The following NKAIN3 variants were observed in gnomAD, a reference collection of about 807,000 sequenced individuals.
NKAIN3 encodes the protein sodium/potassium transporting ATPase interacting 3.
NKAIN3 carries 25 observed loss-of-function variants against 30.2 expected under a neutral mutation model. The ratio of observed to expected loss-of-function variants is 0.83; its 90% CI spans 0.60 to 1.16. The LOEUF (loss-of-function observed/expected upper bound fraction) is 1.16. Ranked by LOEUF, NKAIN3 falls within the 50% of genes most tolerant of loss-of-function variation. The pLI is 0.00. For missense variants in NKAIN3, 225 were observed against 254.1 expected (o/e 0.89, Z 0.78); for synonymous variants, 91 against 89.6 (o/e 1.02, Z -0.09).
At chr8:62,345,716 G>C (rs1815983047) in intron 1 of NKAIN3, among the ~76,000 whole-genome samples, 1 of 151,150 alleles carries the variant, frequency 6.6e-6, no homozygotes, top group African/African-American at 2.4e-5. Context: ...TCTGCAAACA[G>C]GGACAGCTTG....
intron 1 of NKAIN3, among the ~76,000 whole-genome samples, chr8:62,430,368 TGTG>T: frequency 5.8e-5 from 2 of 34,706 alleles, no homozygotes; most frequent in African/African-American, 4.2e-4. Context: ...TATATTGTGG[TGTG>T]TGTGTGTGTG....
In NKAIN3 at chr8:62,999,651, C is replaced by T. The variant is rs557257184; in HGVS notation, c.*317C>T. 6.6e-5 allele frequency: 10 copies of T among 152,238 alleles called. No individual in the cohort carries two copies. The East Asian group carries it at 1.9e-3, about 29-fold the overall frequency. 9.4% of individuals were successfully genotyped at this position (152,238 alleles called of 1,614,324 possible). A position where few individuals can be genotyped will look rare whatever the true frequency, so the allele number is the denominator to read the frequency against. On this transcript the variant is annotated 3_prime_UTR_variant, in exon 6 of 6. Coordinates refer to the NKAIN3 transcript ENST00000519049. The stretch of plus-strand genomic sequence containing the variant: ...CTTTGTTTAATGAAATCCCATTTGT[C>T]TATTTTTTGCTTTTGTTGCCTGTGC...
In NKAIN3 at chr8:62,470,812, C is replaced by T. The variant is rs191132418; in HGVS notation, c.55-108727C>T. 7.9e-5 allele frequency among the ~76,000 whole-genome samples: 12 copies of T among 151,932 alleles called. No individual in the cohort carries two copies. In the East Asian group the frequency reaches 2.1e-3, roughly 27 times the overall value. On this transcript the variant is annotated intron_variant, in intron 1 of 6. Coordinates refer to ENST00000623646, the MANE Select transcript of NKAIN3 (RefSeq NM_001304533.3). ...AAAAAATATTATTTTATATTCTTTG[C>T]TTCCTTTGGCCTAAATGCAGTTAAA...
chr8:62,593,459 C>T (rs1266041076), intron 3 of NKAIN3, among the ~76,000 whole-genome samples: 1 of 151,826 alleles, frequency 6.6e-6, no homozygotes, highest in African/African-American at 2.4e-5. Flanking sequence ...TATACACTTC[C>T]ATCTTAAGAA....
At chr8:62,619,747 G>A (rs374166852) in intron 3 of NKAIN3, among the ~76,000 whole-genome samples, 26 of 150,638 alleles carry the variant, frequency 1.7e-4, no homozygotes, top group African/African-American at 5.4e-4. Context: ...CCACTAATGC[G>A]TGTTGGTAAA....
chr8:62,358,092 A>G lies in NKAIN3; in HGVS notation c.54+108965A>G, dbSNP rs1007316339. On this transcript the variant is annotated intron_variant, in intron 1 of 6. Coordinates refer to ENST00000623646, the MANE Select transcript of NKAIN3 (RefSeq NM_001304533.3). ...AGATAACAGATGGGAAAGCGGCATA[A>G]GGTATGCCTAATTTATCAAACCTAG... Among the ~76,000 whole-genome samples the G allele has an allele frequency of 2.0e-5, 3 of 152,274 alleles. No individual in the cohort carries two copies. In the Middle Eastern group the frequency reaches 0.01, roughly 518 times the overall value.
chr8:62,857,502 C>T (rs1007859037), intron 4 of NKAIN3, among the ~76,000 whole-genome samples: 2 of 152,178 alleles, frequency 1.3e-5, no homozygotes, highest in Admixed American at 1.3e-4. Context: ...TAGATTTGAT[C>T]TCTTTACATA....
chr8:62,623,632 T>C (rs528720339), intron 3 of NKAIN3, among the ~76,000 whole-genome samples: 21 of 152,202 alleles, frequency 1.4e-4, no homozygotes, highest in African/African-American at 5.1e-4. Context: ...ATGATTTTCC[T>C]TCTTTCTAAA....
chr8:62,833,315 GA>G (rs1450129537), intron 4 of NKAIN3, among the ~76,000 whole-genome samples: 1 of 151,670 alleles, frequency 6.6e-6, no homozygotes, highest in Non-Finnish European at 1.5e-5. Flanking sequence ...AGAAGAAAAT[GA>G]ATAACCAAAA....
chr8:62,773,331 T>C (rs1408750185), intron 4 of NKAIN3, among the ~76,000 whole-genome samples: 1 of 152,216 alleles, frequency 6.6e-6, no homozygotes, highest in Non-Finnish European at 1.5e-5. Flanking sequence ...CCCCAATTTA[T>C]GTTCTTGGCA....
At position 62,746,928 on chromosome 8, in the gene NKAIN3, C is replaced by A; in HGVS notation, c.274-4C>A. On this transcript the variant is annotated splice_region_variant and splice_polypyrimidine_tract_variant and intron_variant, in intron 3 of 6. Coordinates refer to ENST00000623646, the MANE Select transcript of NKAIN3 (RefSeq NM_001304533.3). ...TTTTGCTCTTTTGTCTCCTACCCAC[C>A]TAGGACACCGATCTAATGACATTCA... 2 of 1,593,698 alleles carry A rather than the reference C, an allele frequency of 1.3e-6. No individual in the cohort carries two copies. The highest frequency in any genetic ancestry group is 2.3e-5 in the East Asian group (1 of 44,408).
At chr8:62,321,305 G>C (rs1248034960) in intron 1 of NKAIN3, among the ~76,000 whole-genome samples, 3 of 152,158 alleles carry the variant, frequency 2.0e-5, no homozygotes, top group Admixed American at 6.5e-5. Flanking sequence ...AGAGAAGTTT[G>C]ATCATCTGAA....
intron 1 of NKAIN3, among the ~76,000 whole-genome samples, chr8:62,258,334 A>T (rs1340124294): frequency 6.6e-6 from 1 of 152,204 alleles, no homozygotes; most frequent in Non-Finnish European, 1.5e-5. Context: ...TCAGGTGAAG[A>T]TGAAATGCCT....
chr8:62,525,418 T>TC (rs1808273485), intron 1 of NKAIN3, among the ~76,000 whole-genome samples: 1 of 152,132 alleles, frequency 6.6e-6, no homozygotes, highest in Non-Finnish European at 1.5e-5. Context: ...TCTCTTCTGT[T>TC]TTGTACACCA....
intron 4 of NKAIN3, among the ~76,000 whole-genome samples, chr8:62,877,914 C>T (rs781624080): frequency 6.6e-6 from 1 of 151,884 alleles, no homozygotes; most frequent in East Asian, 1.9e-4. Flanking sequence ...GTGGCACATG[C>T]CTGTAATCTC....
intron 4 of NKAIN3, among the ~76,000 whole-genome samples, chr8:62,794,907 G>T (rs1027496878): frequency 6.6e-6 from 1 of 152,044 alleles, no homozygotes; most frequent in Admixed American, 6.5e-5. Context: ...CCCCCTTCTA[G>T]CTTGTTCATG....
chr8:62,256,059 G>T (rs1395988603), intron 1 of NKAIN3, among the ~76,000 whole-genome samples: 3 of 152,120 alleles, frequency 2.0e-5, no homozygotes, highest in Non-Finnish European at 2.9e-5. Context: ...CCCAGTTTCT[G>T]AAGGTCAGTT....
Position 62,981,501 on chromosome 8 carries a change from A to G in NKAIN3, c.*16094A>G, listed in dbSNP as rs767949423. On this transcript the variant is annotated 3_prime_UTR_variant, in exon 7 of 7. Coordinates refer to ENST00000623646, the MANE Select transcript of NKAIN3 (RefSeq NM_001304533.3). ...AATTAATATCCACATCAGTTCCTAA[A>G]GCAAAATGCCTGACACAGACTAACA... 6.6e-6 allele frequency: 1 copy of G among 152,200 alleles called. No homozygotes were observed. The highest frequency in any genetic ancestry group is 1.5e-5 in the Non-Finnish European group (1 of 68,016). The allele number at this position is 152,200 out of a possible 1,614,324, so 9.4% of individuals were successfully genotyped here. A position where few individuals can be genotyped will look rare whatever the true frequency, so the allele number is the denominator to read the frequency against.
At chr8:62,356,630 A>T (rs1306817678) in intron 1 of NKAIN3, among the ~76,000 whole-genome samples, 1 of 152,018 alleles carries the variant, frequency 6.6e-6, no homozygotes, top group Admixed American at 6.6e-5. Flanking sequence ...GCTTTAATTC[A>T]TTGTGTCTTG....
Sources: allele counts gnomAD v4.1 joint callset (sites outside exome capture counted in the v4.1 genomes callset), GRCh38; gene constraint gnomAD v4.1.1; transcripts MANE v1.5; gene names NCBI Gene and HGNC (gene_info 2026-07-23, HGNC 2026-07-21).